TMEM181: variants seen among roughly 807,000 people sequenced by gnomAD.
TMEM181 encodes the protein transmembrane protein 181.
Under a neutral mutation model 71.9 loss-of-function variants are expected in TMEM181, and 39 were observed. That is an observed-to-expected ratio of 0.54 (90% confidence interval 0.42 to 0.71). The LOEUF is 0.71. Ranked by LOEUF, TMEM181 falls within the 30% of genes least tolerant of loss-of-function variation. TMEM181 has a pLI of 0.00. For synonymous variants in TMEM181, 245 were observed against 228.8 expected, an observed-to-expected ratio of 1.07 and a Z score of -0.64; for missense variants, 595 against 583.0, an observed-to-expected ratio of 1.02 and a Z score of -0.21.
At chr6:158,577,539 G>A (rs10223384) in intron 2 of TMEM181, among the ~76,000 whole-genome samples, 60,620 of 151,986 alleles carry the variant, frequency 0.4, 12,516 homozygotes, top group Middle Eastern at 0.52. Flanking sequence ...TATTTCAAGC[G>A]GTGATGACTG....
chr6:158,615,270 G>C (rs977449166), intron 10 of TMEM181, among the ~76,000 whole-genome samples: 2 of 152,162 alleles, frequency 1.3e-5, no homozygotes, highest in Admixed American at 6.5e-5. Context: ...GTGTCTTTTG[G>C]CTGCAGAAAT....
rs575717870 is a variant in TMEM181, at chr6:158,560,126, C to T, written c.-99C>T. The T allele has an allele frequency of 3.8e-5, 37 of 984,834 alleles. No individual in the cohort carries two copies. Among genetic ancestry groups the T allele is most frequent in the African/African-American group, 1.9e-4 (11 of 57,296 alleles). 61.0% of individuals were successfully genotyped at this position (984,834 alleles called of 1,614,324 possible). A position where few individuals can be genotyped will look rare whatever the true frequency, so the allele number is the denominator to read the frequency against. ...CGGCCGGCCGCTGCTCAGCCGCTGT[C>T]GCTCCGGCTCCGGCTGCGGCTGCCG... On this transcript the variant is annotated 5_prime_UTR_variant, in exon 1 of 17. Transcript: ENST00000684151.
At chr6:158,611,025 T>C in intron 10 of TMEM181, 1 of 452,884 alleles carries the variant, frequency 2.2e-6, no homozygotes, top group Non-Finnish European at 4.4e-6. Context: ...CCTATCTTTA[T>C]GCTTTCGGAT....
At chr6:158,609,021 CT>C (rs2128318027) in intron 10 of TMEM181, among the ~76,000 whole-genome samples, 2 of 151,796 alleles carry the variant, frequency 1.3e-5, no homozygotes, top group East Asian at 3.9e-4. Context: ...TCGCTTGAGC[CT>C]GCGAGGCACA....
Position 158,608,636 on chromosome 6 carries a change from ACTT to A in TMEM181, c.805-19_805-17del, listed in dbSNP as rs1562305385. On this transcript the variant is annotated intron_variant, in intron 9 of 16. Coordinates refer to ENST00000684151, the MANE Select transcript of TMEM181 (RefSeq NM_001376852.1). The stretch of plus-strand genomic sequence containing the variant: ...ACCAATTTGGTTTTCTTTATTTCTT[ACTT>A]CTTATTTTTTTCTTTTTAGGGAGAA... The A allele has an allele frequency of 3.7e-6, 6 of 1,600,468 alleles. No homozygotes were observed. The highest frequency in any genetic ancestry group is 4.3e-6 in the Non-Finnish European group (5 of 1,175,650).
intron 6 of TMEM181, among the ~76,000 whole-genome samples, chr6:158,598,903 C>T (rs1424925302): frequency 3.3e-5 from 5 of 152,176 alleles, no homozygotes; most frequent in East Asian, 1.9e-4. Flanking sequence ...CCTCGTGATC[C>T]GCCTGCCTCG....
intron 10 of TMEM181, among the ~76,000 whole-genome samples, chr6:158,609,244 C>CG (rs1785148007): frequency 2.0e-5 from 3 of 152,178 alleles, no homozygotes; most frequent in Non-Finnish European, 4.4e-5. Context: ...CCCCCATTAA[C>CG]TATCTGCGGT....
chr6:158,631,133 G>A lies in TMEM181; in HGVS notation c.1283-190G>A, dbSNP rs576209086. On this transcript the variant is annotated intron_variant, in intron 15 of 16. Coordinates refer to ENST00000684151, the MANE Select transcript of TMEM181 (RefSeq NM_001376852.1). The stretch of plus-strand genomic sequence containing the variant: ...CCTTCAGGACGTCCCTGCCAGGCAG[G>A]CCAGGCCAGCCCTGTCTTGTAGATG... Among the ~76,000 whole-genome samples the A allele has an allele frequency of 9.8e-5, 15 of 152,324 alleles. No individual in the cohort carries two copies. In the South Asian group the frequency reaches 3.1e-3, roughly 32 times the overall value.
chr6:158,618,793 T>A (rs1056698952), intron 10 of TMEM181, among the ~76,000 whole-genome samples: 6 of 152,240 alleles, frequency 3.9e-5, no homozygotes, highest in Admixed American at 6.5e-5. Flanking sequence ...TGAAAAGTGT[T>A]TTCTTTAAGA....
rs773923576 is a variant in TMEM181 at position 158,573,478 on chromosome 6, G to A, written c.67G>A (p.Val23Ile). 15 of 1,606,730 alleles carry A rather than the reference G, an allele frequency of 9.3e-6. No individual in the cohort carries two copies. The highest frequency in any genetic ancestry group is 5.6e-5 in the South Asian group (5 of 89,610). Residue 23 changes from valine (V) to isoleucine (I), a missense_variant, in exon 2 of 17, where the codon GTC becomes ATC. Physicochemically the swap from Val to Ile is conservative, Grantham distance 29. Coordinates refer to ENST00000684151, the MANE Select transcript of TMEM181 (RefSeq NM_001376852.1). ...GCGCCACTTTGTCCTCGTGTTTGTC[G>A]TCTTCTTCATCTGCTTTGGCCTGAC... is the stretch of plus-strand genomic sequence containing the variant. ...SKRHFVLVFV[V>I]FFICFGLTIF... is the part of the protein sequence containing the mutation.
chr6:158,553,781 C>T (rs11967873), intron 1 of TMEM181, among the ~76,000 whole-genome samples: 16,831 of 152,168 alleles, frequency 0.11, 1,052 homozygotes, highest in Middle Eastern at 0.16. Flanking sequence ...AAAACGCATT[C>T]GGGTTAATTA....
At chr6:158,565,439 G>A (rs4709214) in intron 1 of TMEM181, among the ~76,000 whole-genome samples, 40,663 of 152,138 alleles carry the variant, frequency 0.27, 6,125 homozygotes, top group East Asian at 0.66. Flanking sequence ...GTCCCAGGGA[G>A]AAGGTTTTCT....
chr6:158,577,550 A>C (rs1243418946), intron 2 of TMEM181, among the ~76,000 whole-genome samples: 5 of 152,242 alleles, frequency 3.3e-5, no homozygotes, highest in Non-Finnish European at 5.9e-5. Flanking sequence ...GTGATGACTG[A>C]AAACTTCCCA....
At chr6:158,550,371 G>C (rs575635527) in intron 1 of TMEM181, among the ~76,000 whole-genome samples, 2 of 151,388 alleles carry the variant, frequency 1.3e-5, no homozygotes, top group African/African-American at 4.8e-5. Context: ...AATGTATCTA[G>C]TTTCAGCCGG....
intron 1 of TMEM181, among the ~76,000 whole-genome samples, chr6:158,545,485 G>A (rs1214764848): frequency 6.6e-6 from 1 of 152,238 alleles, no homozygotes; most frequent in Admixed American, 6.5e-5. Context: ...CTCTGAAGGC[G>A]TGAGGCAGGC....
At chr6:158,622,497 C>T (rs1435976254) in intron 10 of TMEM181, among the ~76,000 whole-genome samples, 3 of 152,058 alleles carry the variant, frequency 2.0e-5, no homozygotes, top group Non-Finnish European at 2.9e-5. Context: ...CGTTTGCAGC[C>T]GGGGTACACA....
intron 10 of TMEM181, chr6:158,610,676 G>A: frequency 3.6e-6 from 1 of 279,442 alleles, no homozygotes; most frequent in African/African-American, 2.2e-5. Flanking sequence ...TTCCTCTGAG[G>A]CCTCCACATC....
At chr6:158,591,157 A>G (rs1784087859) in intron 6 of TMEM181, among the ~76,000 whole-genome samples, 2 of 152,194 alleles carry the variant, frequency 1.3e-5, no homozygotes, top group African/African-American at 4.8e-5. Flanking sequence ...ACTACACAAA[A>G]TGAGTTTTTT....
At chr6:158,581,618 G>T (rs1370958576) in intron 3 of TMEM181, among the ~76,000 whole-genome samples, 1 of 151,844 alleles carries the variant, frequency 6.6e-6, no homozygotes, top group Non-Finnish European at 1.5e-5. Context: ...GCTGGGCGTG[G>T]TGGGGGGGCG....
Sources: allele counts gnomAD v4.1 joint callset (sites outside exome capture counted in the v4.1 genomes callset), GRCh38; gene constraint gnomAD v4.1.1; transcripts MANE v1.5; gene names NCBI Gene and HGNC (gene_info 2026-07-23, HGNC 2026-07-21).